The following TMEM132C variants were observed in gnomAD, a reference collection of about 807,000 sequenced individuals.
TMEM132C encodes transmembrane protein 132C.
In TMEM132C, 29 loss-of-function variants were observed where a neutral mutation model predicts 61.4. The ratio of observed to expected loss-of-function variants is 0.47; its 90% CI spans 0.35 to 0.64. The LOEUF is 0.64. TMEM132C is among the 30% of genes least tolerant of loss of function. TMEM132C has a pLI of 0.00. For synonymous variants in TMEM132C, 656 were observed against 633.1 expected (o/e 1.04, Z -0.54); for missense variants, 1,408 against 1,476.9 (o/e 0.95, Z 0.76).
At chr12:128,354,765 G>A (rs570993568) in intron 1 of TMEM132C, among the ~76,000 whole-genome samples, 9 of 152,304 alleles carry the variant, frequency 5.9e-5, no homozygotes, top group South Asian at 2.1e-4. Context: ...CACTGAGACC[G>A]GAGCTATAGG....
chr12:128,376,544 C>A (rs1304042800), intron 1 of TMEM132C, among the ~76,000 whole-genome samples: 2 of 152,170 alleles, frequency 1.3e-5, no homozygotes, highest in African/African-American at 4.8e-5. Context: ...AAGCATGAAG[C>A]AAACCCCTTA....
intron 8 of TMEM132C, among the ~76,000 whole-genome samples, chr12:128,701,209 C>T (rs1275616706): frequency 6.6e-6 from 1 of 151,378 alleles, no homozygotes; most frequent in African/African-American, 2.4e-5. Context: ...CACATGGATT[C>T]CAGAAGCCAG....
At chr12:128,704,931 C>T (rs1954825700) in intron 8 of TMEM132C, among the ~76,000 whole-genome samples, 159 bp from the exon 9 acceptor site, 2 of 152,164 alleles carry the variant, frequency 1.3e-5, no homozygotes, top group African/African-American at 4.8e-5. Context: ...GTTTCTCTGC[C>T]CCTGATAGAA....
chr12:128,642,012 T>TTGG (rs1386283945), intron 4 of TMEM132C, among the ~76,000 whole-genome samples: 1 of 151,486 alleles, frequency 6.6e-6, no homozygotes, highest in Non-Finnish European at 1.5e-5. Flanking sequence ...TTTCACCATG[T>TTGG]TGGTCAGGCT....
chr12:128,451,483 T>C (rs1870173835), intron 2 of TMEM132C, among the ~76,000 whole-genome samples: 1 of 152,188 alleles, frequency 6.6e-6, no homozygotes, highest in South Asian at 2.1e-4. Flanking sequence ...GGGCTGCATA[T>C]TTTGTGAGGT....
At chr12:128,317,026 T>C (rs1216185866) in intron 1 of TMEM132C, among the ~76,000 whole-genome samples, 1 of 152,222 alleles carries the variant, frequency 6.6e-6, no homozygotes, top group Non-Finnish European at 1.5e-5. Flanking sequence ...ATAAATATCC[T>C]GAGGGCTTGA....
chr12:128,658,052 G>A (rs577196587), intron 4 of TMEM132C, among the ~76,000 whole-genome samples: 1 of 148,576 alleles, frequency 6.7e-6, no homozygotes, highest in African/African-American at 2.5e-5. Context: ...CAGGGACGCA[G>A]CTCCCATGGA....
At chr12:128,378,276 G>A (rs1340739667) in intron 1 of TMEM132C, among the ~76,000 whole-genome samples, 4 of 151,810 alleles carry the variant, frequency 2.6e-5, no homozygotes, top group Admixed American at 6.6e-5. Flanking sequence ...CACCATGCCC[G>A]GCTAATTTTT....
In TMEM132C at chr12:128,272,498, A is replaced by G. The variant is rs540501874; in HGVS notation, c.85+5011A>G. Among the ~76,000 whole-genome samples the G allele has an allele frequency of 6.4e-4, 97 of 152,358 alleles. 1 individual carries two copies. Among genetic ancestry groups the G allele is most frequent in the African/African-American group, 2.3e-3 (94 of 41,582 alleles). Reference sequence around the variant, plus strand: ...ATTCACCAACAATCTTCATGCAAACATATATTTTCATTTCTCCTGAGTAAC... The same window carrying G: ...ATTCACCAACAATCTTCATGCAAACGTATATTTTCATTTCTCCTGAGTAAC... On this transcript the variant is annotated intron_variant, in intron 1 of 8. Coordinates refer to ENST00000435159, the MANE Select transcript of TMEM132C (RefSeq NM_001136103.3).
chr12:128,665,575 ATATG>A (rs1954452953), intron 4 of TMEM132C, among the ~76,000 whole-genome samples: 1 of 150,588 alleles, frequency 6.6e-6, no homozygotes, highest in Non-Finnish European at 1.5e-5. Context: ...ACACACAGGC[ATATG>A]CACCCATATG....
chr12:128,610,713 C>G (rs11059791), intron 3 of TMEM132C, among the ~76,000 whole-genome samples: 4 of 152,144 alleles, frequency 2.6e-5, no homozygotes, highest in Admixed American at 2.6e-4. Context: ...TTAGAGTCAG[C>G]GGAAAGGCAC....
intron 1 of TMEM132C, among the ~76,000 whole-genome samples, chr12:128,387,943 C>T (rs962647704): frequency 6.6e-6 from 1 of 152,222 alleles, no homozygotes; most frequent in African/African-American, 2.4e-5. Context: ...CCTGGGCAGC[C>T]GTGCCCGGCC....
intron 1 of TMEM132C, among the ~76,000 whole-genome samples, chr12:128,387,643 C>T (rs1305554077): frequency 1.3e-5 from 2 of 152,080 alleles, no homozygotes; most frequent in Admixed American, 1.3e-4. Flanking sequence ...AACCCCGTCT[C>T]TGCTAAAAAT....
chr12:128,408,476 C>T (rs1291158962), intron 1 of TMEM132C, among the ~76,000 whole-genome samples: 3 of 152,156 alleles, frequency 2.0e-5, no homozygotes, highest in Non-Finnish European at 2.9e-5. Context: ...AGATGAGTCT[C>T]TAAGTCCCTA....
intron 1 of TMEM132C, among the ~76,000 whole-genome samples, chr12:128,340,779 CTT>C (rs757874577): frequency 8.2e-5 from 11 of 134,644 alleles, no homozygotes; most frequent in Middle Eastern, 3.6e-3. Flanking sequence ...ATTTTTCTTT[CTT>C]TCTCTCTCTC....
intron 4 of TMEM132C, among the ~76,000 whole-genome samples, chr12:128,648,486 ATATG>A: frequency 6.7e-6 from 1 of 148,402 alleles, no homozygotes; most frequent in Admixed American, 6.7e-5. Context: ...TCAGCATTGG[ATATG>A]AGTGTGTTTA....
At chr12:128,404,594 T>C (rs1204850245) in intron 1 of TMEM132C, 1 of 152,254 alleles carries the variant, frequency 6.6e-6, no homozygotes, top group Non-Finnish European at 1.5e-5. Context: ...AGTGTTATCC[T>C]GTCTGGGCAC....
intron 4 of TMEM132C, among the ~76,000 whole-genome samples, chr12:128,628,319 A>G (rs1162340884): frequency 1.3e-5 from 2 of 152,152 alleles, no homozygotes; most frequent in African/African-American, 4.8e-5. Flanking sequence ...CGGCACGCTG[A>G]GATCTAACCT....
At position 128,473,541 on chromosome 12, in the gene TMEM132C, C is replaced by T. The variant is rs535920270; in HGVS notation, c.974+57921C>T. On this transcript the variant is annotated intron_variant, in intron 2 of 8. Transcript: ENST00000435159. ...TCATCTTCACTCCACCATCCATCTT[C>T]ACTCCAGCATCCATCTTCATCCTTA... is the stretch of plus-strand genomic sequence containing the variant. Among the ~76,000 whole-genome samples, 5 of 150,108 alleles carry T rather than the reference C, an allele frequency of 3.3e-5. No homozygotes were observed. The South Asian group carries it at 1.1e-3, about 34-fold the overall frequency.
Sources: gnomAD v4.1 joint callset for allele counts (sites outside exome capture counted in the v4.1 genomes callset) on GRCh38, gnomAD v4.1.1 for gene constraint, MANE v1.5 for transcripts, NCBI Gene and HGNC (gene_info 2026-07-23, HGNC 2026-07-21) for gene names.